FBH1: variants seen among roughly 807,000 people sequenced by gnomAD.
FBH1 encodes DNA 3'-5' helicase 1.
Under a neutral mutation model 115.5 loss-of-function variants are expected in FBH1, and 43 were observed. That is an observed-to-expected ratio of 0.37 (90% CI 0.29 to 0.48). The LOEUF (loss-of-function observed/expected upper bound fraction) is 0.48. Among genes scored for constraint, FBH1 ranks in the 20% least tolerant of loss-of-function variants. The pLI, the probability that FBH1 is intolerant of heterozygous loss-of-function variation, is 0.99. For missense variants in FBH1, 1,001 were observed against 1,337.3 expected (o/e 0.75, Z 3.92); for synonymous variants, 524 against 507.8 (o/e 1.03, Z -0.43).
At chr10:5,927,804 G>A (rs545490179) in intron 19 of FBH1, among the ~76,000 whole-genome samples, 1 of 151,818 alleles carries the variant, frequency 6.6e-6, no homozygotes, top group South Asian at 2.1e-4. Flanking sequence ...AGGCACAGTG[G>A]CTTATGCCTG....
chr10:5,915,792 G>T lies in FBH1; in HGVS notation c.1565+221G>T. 1 of 552,782 alleles carries T rather than the reference G, an allele frequency of 1.8e-6. No individual in the cohort carries two copies. Among genetic ancestry groups the T allele is most frequent in the Non-Finnish European group, 3.2e-6 (1 of 311,278 alleles). The allele number at this position is 552,782 out of a possible 1,614,324, so 34.2% of individuals were successfully genotyped here. A position where few individuals can be genotyped will look rare whatever the true frequency, so the allele number is the denominator to read the frequency against. On this transcript the variant is annotated intron_variant, in intron 9 of 20. Transcript: ENST00000362091. This position sits in a 1 kb window ranked among gnomAD's most constrained non-coding sequence, Gnocchi z 5.2. The stretch of plus-strand genomic sequence containing the variant: ...ATATAATGCCGTCTTGCCAAGAGGG[G>T]TGTTCTCATGGAAGTGAGGCACAGA...
Position 5,909,072 on chromosome 10 carries a change from C to T in FBH1, c.884+17C>T. The T allele has an allele frequency of 1.2e-6, 2 of 1,614,016 alleles. No individual in the cohort carries two copies. The highest frequency in any genetic ancestry group is 1.1e-5 in the South Asian group (1 of 91,080). On this transcript the variant is annotated intron_variant, in intron 4 of 20. Transcript: ENST00000362091. The surrounding 1 kb of genome is among the most constrained non-coding windows in gnomAD (Gnocchi z 4.4). ...CCTCATACGGTGAGCTTTGCCTGTG[C>T]TGTAAAGAAGGCGTCTTTGAAGTCT...
chr10:5,901,109 A>AAG, intron 1 of FBH1, among the ~76,000 whole-genome samples: 1 of 149,554 alleles, frequency 6.7e-6, no homozygotes, highest in Non-Finnish European at 1.5e-5. Context: ...AAAAAGAAAA[A>AAG]AGAAAAAAAA....
In FBH1 at chr10:5,930,561, C is replaced by T. The variant is rs75123639; in HGVS notation, c.2829+3020C>T. Reference sequence around the variant, plus strand: ...TTGGCAGGCGTGCCCCATGGGAGGCCGGAGAGGGCTTCGTGCTTTGCCTCG... The same window carrying T: ...TTGGCAGGCGTGCCCCATGGGAGGCTGGAGAGGGCTTCGTGCTTTGCCTCG... On this transcript the variant is annotated intron_variant, in intron 19 of 20. Transcript: ENST00000362091. 6.2e-3 allele frequency among the ~76,000 whole-genome samples: 951 copies of T among 152,282 alleles called. 11 individuals are homozygous for T. The highest frequency in any genetic ancestry group is 0.021 in the African/African-American group (875 of 41,548).
intron 6 of FBH1, among the ~76,000 whole-genome samples, chr10:5,912,979 C>T (rs1054366882): frequency 6.6e-6 from 1 of 152,060 alleles, no homozygotes; most frequent in Non-Finnish European, 1.5e-5. Flanking sequence ...GAGGTCGAGG[C>T]TTGGAGATGG....
chr10:5,890,014 C>T (rs1025697728), upstream of FBH1: 1 of 259,154 alleles, frequency 3.9e-6, no homozygotes, highest in Non-Finnish European at 7.3e-6. Context: ...TCCCGCTCCG[C>T]CCCGGCCCGA....
chr10:5,910,645 G>A lies in FBH1; in HGVS notation c.1021-293G>A, dbSNP rs1006021414. On this transcript the variant is annotated intron_variant, in intron 5 of 20. Transcript: ENST00000362091. The surrounding 1 kb of genome is among the most constrained non-coding windows in gnomAD (Gnocchi z 4.8). The stretch of plus-strand genomic sequence containing the variant: ...GAGTAGGGTGGGGAGATGACAGGGA[G>A]CTCATATTTTTAGACTGTCTCTCTG... 6.6e-5 allele frequency among the ~76,000 whole-genome samples: 10 copies of A among 152,080 alleles called. No individual in the cohort carries two copies. The highest frequency in any genetic ancestry group is 2.4e-4 in the African/African-American group (10 of 41,392).
chr10:5,931,081 T>C lies in FBH1; in HGVS notation c.2829+3540T>C, dbSNP rs1832945301. Among the ~76,000 whole-genome samples, 1 of 152,158 alleles carries C rather than the reference T, an allele frequency of 6.6e-6. No homozygotes were observed. Among genetic ancestry groups the C allele is most frequent in the African/African-American group, 2.4e-5 (1 of 41,428 alleles). On this transcript the variant is annotated intron_variant, in intron 19 of 20. Transcript: ENST00000362091. This position sits in a 1 kb window ranked among gnomAD's most constrained non-coding sequence, Gnocchi z 4.3. ...AATTTCAACATTTTGTTGTTAAATA[T>C]AACACAAGTATATAAAACAGCATAT...
chr10:5,894,968 C>T, intron 1 of FBH1: 2 of 1,510,542 alleles, frequency 1.3e-6, no homozygotes, highest in African/African-American at 1.4e-5. Context: ...CTGCGAAGTG[C>T]TTCCTGGCTT....
At chr10:5,930,504 C>A (rs894194751) in intron 19 of FBH1, among the ~76,000 whole-genome samples, 1 of 152,186 alleles carries the variant, frequency 6.6e-6, no homozygotes, top group East Asian at 1.9e-4. Context: ...GGAAGTTAGC[C>A]GTAGAGGCTT....
Position 5,925,008 on chromosome 10 carries a change from A to C in FBH1, c.2597-359A>C, listed in dbSNP as rs1234882584. ...TCAAGCCCGTACAATGGGATTTTCTAGTCCCAGCTCTGCCACGTGTAATGT... is the reference window on the plus strand; with the variant it reads ...TCAAGCCCGTACAATGGGATTTTCTCGTCCCAGCTCTGCCACGTGTAATGT... On this transcript the variant is annotated intron_variant, in intron 17 of 20. Transcript: ENST00000362091. The surrounding 1 kb of genome is among the most constrained non-coding windows in gnomAD (Gnocchi z 4.6). Among the ~76,000 whole-genome samples the C allele has an allele frequency of 2.0e-5, 3 of 152,164 alleles. No homozygotes were observed. Among genetic ancestry groups the C allele is most frequent in the African/African-American group, 4.8e-5 (2 of 41,420 alleles).
chr10:5,930,937 T>G (rs11255989), intron 19 of FBH1, among the ~76,000 whole-genome samples: 12,535 of 152,008 alleles, frequency 0.082, 1,658 homozygotes, highest in African/African-American at 0.28. Context: ...GTTTTGTTTT[T>G]TTGTACAGAC....
chr10:5,916,078 T>C, intron 9 of FBH1, 156 bp from the exon 10 acceptor site: 2 of 663,400 alleles, frequency 3.0e-6, no homozygotes, highest in Non-Finnish European at 5.1e-6. Context: ...CAGTCAGACA[T>C]GGACCATGCA....
At position 5,906,177 on chromosome 10, in the gene FBH1, A is replaced by C; in HGVS notation, c.298A>C (p.Ser100Arg). The change falls in exon 3 of 21, where the codon AGC becomes CGC. Residue 100 changes from serine (S) to arginine (R), a missense_variant. Around this residue, in one of 4 missense-constraint regions of FBH1, gnomAD observed 420 missense variants for 430.4 expected, o/e 0.98. Transcript: ENST00000362091. The surrounding 1 kb of genome is among the most constrained non-coding windows in gnomAD (Gnocchi z 7.3). ...EGDMIFPAESSCALPQEGSAG... is the reference protein window; with the variant it reads ...EGDMIFPAESRCALPQEGSAG... Reference sequence around the variant, plus strand: ...TGACATGATCTTTCCTGCAGAGAGCAGCTGTGCACTGCCTCAGGAAGGCAG... The same window carrying C: ...TGACATGATCTTTCCTGCAGAGAGCCGCTGTGCACTGCCTCAGGAAGGCAG... The C allele has an allele frequency of 1.2e-6, 2 of 1,614,102 alleles. No homozygotes were observed. The highest frequency in any genetic ancestry group is 1.7e-6 in the Non-Finnish European group (2 of 1,179,968).
In FBH1 at chr10:5,893,909, A is replaced by G. The variant is rs75915606; in HGVS notation, c.1+3563A>G. On this transcript the variant is annotated intron_variant, in intron 1 of 20. Transcript: ENST00000362091. ...TGTAGAAAAAGCCTTTCAAATATAT[A>G]AAATTATATTCTAGACCATAAGTAG... 1.3e-3 allele frequency: 1,051 copies of G among 836,080 alleles called. 13 individuals carry two copies. The African/African-American group carries it at 0.018, about 15-fold the overall frequency. The allele number at this position is 836,080 out of a possible 1,614,324, so 51.8% of individuals were successfully genotyped here.
Position 5,917,552 on chromosome 10 carries a change from T to C in FBH1, c.1877-38T>C, listed in dbSNP as rs756872613. 3.7e-5 allele frequency: 59 copies of C among 1,613,550 alleles called. No individual in the cohort carries two copies. The highest frequency in any genetic ancestry group is 4.8e-5 in the Non-Finnish European group (57 of 1,179,566). ...CGGGGACTGGCCAATGGGACTGCCT[T>C]CCTGGCGTTACAACTCCTGCGTCTC... On this transcript the variant is annotated intron_variant, in intron 11 of 20. Transcript: ENST00000362091. The surrounding 1 kb of genome is among the most constrained non-coding windows in gnomAD (Gnocchi z 5.6).
intron 2 of FBH1, 86 bp downstream of exon 2, chr10:5,903,261 T>C: frequency 9.0e-7 from 1 of 1,111,040 alleles, no homozygotes; most frequent in Non-Finnish European, 1.2e-6. Flanking sequence ...TATTTGTAAA[T>C]GTTGCTGCTG....
chr10:5,918,330 C>T lies in FBH1; in HGVS notation c.1964-12C>T, dbSNP rs200273424. The T allele has an allele frequency of 2.6e-5, 42 of 1,606,422 alleles. No homozygotes were observed. Among genetic ancestry groups the T allele is most frequent in the East Asian group, 8.9e-5 (4 of 44,760 alleles). On this transcript the variant is annotated splice_polypyrimidine_tract_variant and intron_variant, in intron 12 of 20. Transcript: ENST00000362091. The surrounding 1 kb of genome is among the most constrained non-coding windows in gnomAD (Gnocchi z 4.0). ...CCTCAAGGTTTCTCACTTTTCCTCTCGTTGGTTACAGCTATCATGAACATA... is the reference window on the plus strand; with the variant it reads ...CCTCAAGGTTTCTCACTTTTCCTCTTGTTGGTTACAGCTATCATGAACATA...
intron 18 of FBH1, among the ~76,000 whole-genome samples, chr10:5,926,053 C>T (rs1832627258): frequency 6.6e-6 from 1 of 152,116 alleles, no homozygotes. Flanking sequence ...TTGCAGGCGT[C>T]AGCCACCACA....
Sources: gnomAD v4.1 joint callset for allele counts (sites outside exome capture counted in the v4.1 genomes callset) on GRCh38, gnomAD v4.1.1 for gene constraint, gnomAD v4.1.1 regional missense constraint, Gnocchi (gnomAD v3.1) non-coding constraint, MANE v1.5 for transcripts, NCBI Gene and HGNC (gene_info 2026-07-23, HGNC 2026-07-21) for gene names.